LINC00237: variants seen among roughly 807,000 people sequenced by gnomAD.
The protein encoded by LINC00237 is long independently transcribed non-coding RNA 237, also known as long intergenic non-protein coding RNA 237.
chr20:21,085,845 T>C (rs1201918194), exon 4 of LINC00237, among the ~76,000 whole-genome samples: 3 of 152,226 alleles, frequency 2.0e-5, no homozygotes, highest in Non-Finnish European at 1.5e-5. Context: ...TCTGTGATTT[T>C]AGCCTGCCAC....
intron 2 of LINC00237, among the ~76,000 whole-genome samples, chr20:21,091,192 C>T (rs948368532): frequency 1.3e-5 from 2 of 151,810 alleles, no homozygotes; most frequent in African/African-American, 2.4e-5. Context: ...CACACACACA[C>T]CTTTTTTTAT....
Position 21,101,195 on chromosome 20 carries a change from G to A in LINC00237, n.88+5076C>T, listed in dbSNP as rs2030926840. Among the ~76,000 whole-genome samples the A allele has an allele frequency of 6.6e-6, 1 of 152,234 alleles. No individual in the cohort carries two copies. The highest frequency in any genetic ancestry group is 2.4e-5 in the African/African-American group (1 of 41,462). On this transcript the variant is annotated intron_variant and non_coding_transcript_variant, in intron 1 of 3. Transcript: ENST00000691244. This position sits in a 1 kb window ranked among gnomAD's most constrained non-coding sequence, Gnocchi z 4.3. ...TCCATCGGAGGAGAACACGGTTACAGCCCCTCGGCCGGGAATCCGACAGGG... is the reference window on the plus strand; with the variant it reads ...TCCATCGGAGGAGAACACGGTTACAACCCCTCGGCCGGGAATCCGACAGGG...
At position 21,099,242 on chromosome 20, in the gene LINC00237, G is replaced by A. The variant is rs6137262; in HGVS notation, n.89-5390C>T. On this transcript the variant is annotated intron_variant and non_coding_transcript_variant, in intron 1 of 3. Transcript: ENST00000691244. ...CAGTGGTCAGGAGGAGGATAGCCCC[G>A]AGCCAGGCAGGACAATATCCAGCCA... Among the ~76,000 whole-genome samples, 62 of 152,302 alleles carry A rather than the reference G, an allele frequency of 4.1e-4. No individual in the cohort carries two copies. The East Asian group carries it at 0.01, about 25-fold the overall frequency.
exon 4 of LINC00237, among the ~76,000 whole-genome samples, chr20:21,085,589 A>G (rs2030680882): frequency 6.6e-6 from 1 of 152,196 alleles, no homozygotes; most frequent in Non-Finnish European, 1.5e-5. Context: ...ATGTTGTATG[A>G]TTTAATATAT....
At chr20:21,086,307 A>AAAATGT (rs2030692492) in intron 3 of LINC00237, among the ~76,000 whole-genome samples, 2 of 152,036 alleles carry the variant, frequency 1.3e-5, no homozygotes, top group Admixed American at 1.3e-4. Context: ...TATTGCAATC[A>AAAATGT]AAATGTACAT....
At chr20:21,086,652 T>TATATAGTATACTAC (rs1555861067) in intron 3 of LINC00237, among the ~76,000 whole-genome samples, 3,022 of 30,094 alleles carry the variant, frequency 0.1, 162 homozygotes, top group African/African-American at 0.26. Flanking sequence ...TAGTATACTA[T>TATATAGTATACTAC]ATATGTATAG....
At chr20:21,086,235 G>C (rs1219499681) in intron 3 of LINC00237, among the ~76,000 whole-genome samples, 1 of 152,100 alleles carries the variant, frequency 6.6e-6, no homozygotes, top group African/African-American at 2.4e-5. Context: ...AAACCTGTTA[G>C]TGCCTTTGTT....
chr20:21,102,663 CG>C (rs1262565290), intron 1 of LINC00237, among the ~76,000 whole-genome samples: 4 of 137,226 alleles, frequency 2.9e-5, no homozygotes, highest in African/African-American at 1.1e-4. Context: ...CACAGAAGAA[CG>C]GAGAACCAAG....
chr20:21,097,373 T>C (rs2030872610), intron 1 of LINC00237, among the ~76,000 whole-genome samples: 1 of 152,026 alleles, frequency 6.6e-6, no homozygotes, highest in Admixed American at 6.6e-5. Flanking sequence ...AATGTACAAA[T>C]GGTCATTAAA....
intron 1 of LINC00237, among the ~76,000 whole-genome samples, chr20:21,105,542 C>T (rs1024035313): frequency 6.6e-6 from 1 of 152,184 alleles, no homozygotes; most frequent in South Asian, 2.1e-4. Context: ...GCGGCAGGGA[C>T]AGTGTGAGCG....
At chr20:21,099,415 T>C (rs2030901066) in intron 1 of LINC00237, among the ~76,000 whole-genome samples, 1 of 152,184 alleles carries the variant, frequency 6.6e-6, no homozygotes, top group South Asian at 2.1e-4. Flanking sequence ...CCACCTACCT[T>C]GGTTCCTTTC....
chr20:21,099,923 C>T (rs1040729933), intron 1 of LINC00237, among the ~76,000 whole-genome samples: 2 of 152,104 alleles, frequency 1.3e-5, no homozygotes, highest in African/African-American at 4.8e-5. Context: ...CAGCTGAATC[C>T]CCTCTCTGGC....
chr20:21,086,639 A>ATATAGTATATG (rs2030702675), intron 3 of LINC00237, among the ~76,000 whole-genome samples: 1 of 119,922 alleles, frequency 8.3e-6, no homozygotes, highest in Admixed American at 8.3e-5. Flanking sequence ...AGTATACTAT[A>ATATAGTATATG]TATAGTATAC....
rs2030932691 is a variant in LINC00237, at chr20:21,101,619, A to G, written n.88+4652T>C. The G allele has an allele frequency of 6.6e-6, 1 of 152,290 alleles. No homozygotes were observed. The highest frequency in any genetic ancestry group is 1.5e-5 in the Non-Finnish European group (1 of 68,126). The allele number at this position is 152,290 out of a possible 1,614,324, so 9.4% of individuals were successfully genotyped here. On this transcript the variant is annotated intron_variant and non_coding_transcript_variant, in intron 1 of 3. Transcript: ENST00000691244. The surrounding 1 kb of genome is among the most constrained non-coding windows in gnomAD (Gnocchi z 4.3). ...GCCACGCTAGCGGCTAGGCCGTTCC[A>G]CCGGGTAGCTCCGCCCTTCCTTTTG...
chr20:21,105,994 C>T (rs2030994609), intron 1 of LINC00237, among the ~76,000 whole-genome samples: 1 of 152,164 alleles, frequency 6.6e-6, no homozygotes, highest in Admixed American at 6.5e-5. Context: ...CAGAGAGAGA[C>T]TCAGAGGGGC....
At chr20:21,093,411 C>T (rs1480504178) in intron 2 of LINC00237, 1 of 152,216 alleles carries the variant, frequency 6.6e-6, no homozygotes. Context: ...ACTCATCCAA[C>T]TTGCCTGCAG....
intron 1 of LINC00237, among the ~76,000 whole-genome samples, chr20:21,100,794 C>T (rs530262448): frequency 6.6e-6 from 1 of 152,278 alleles, no homozygotes; most frequent in African/African-American, 2.4e-5. Flanking sequence ...TTTCTGCACC[C>T]AGTTGGTGGG....
intron 1 of LINC00237, among the ~76,000 whole-genome samples, chr20:21,100,718 A>G (rs755485064): frequency 9.2e-5 from 14 of 152,146 alleles, no homozygotes; most frequent in Non-Finnish European, 2.1e-4. Flanking sequence ...AGTGACACCC[A>G]CTTTTTCCCC....
intron 2 of LINC00237, chr20:21,089,792 A>C (rs2030768160): frequency 6.6e-6 from 1 of 152,220 alleles, no homozygotes; most frequent in South Asian, 2.1e-4. Flanking sequence ...ATACTCGATA[A>C]AATAGCTTAT....
Sources: allele counts gnomAD v4.1 joint callset (sites outside exome capture counted in the v4.1 genomes callset), GRCh38; gene constraint gnomAD v4.1.1; non-coding constraint Gnocchi (gnomAD v3.1); transcripts MANE v1.5; gene names NCBI Gene and HGNC (gene_info 2026-07-23, HGNC 2026-07-21).